Variants in PTPRE observed in about 807,000 individuals in gnomAD.
PTPRE encodes the protein protein tyrosine phosphatase receptor type E.
In PTPRE, 51 loss-of-function variants were observed where a neutral mutation model predicts 102.0. The observed-to-expected ratio is 0.50, with a 90% CI of 0.40 to 0.63. The LOEUF is 0.63. PTPRE is among the 30% of genes least tolerant of loss of function. The probability of loss-of-function intolerance (pLI) is 0.00; values close to 1 mark genes in which losing one functional copy is unlikely to be tolerated. For missense variants in PTPRE, 752 were observed against 915.1 expected, an observed-to-expected ratio of 0.82 and a Z score of 2.30; for synonymous variants, 345 against 348.2, an observed-to-expected ratio of 0.99 and a Z score of 0.10.
At chr10:128,040,368 G>A (rs1847575535) in intron 2 of PTPRE, among the ~76,000 whole-genome samples, 1 of 152,190 alleles carries the variant, frequency 6.6e-6, no homozygotes, top group Non-Finnish European at 1.5e-5. Flanking sequence ...AAGGATCGAG[G>A]TTTCCCAGGC....
chr10:128,070,066 A>G lies in PTPRE; in HGVS notation c.1144-235A>G, dbSNP rs771130594. ...GCAATCCTACTCCCCCAAACGGTGC[A>G]TGTACACAGTGCGTGGCGTGCTCAC... is the stretch of plus-strand genomic sequence containing the variant. On this transcript the variant is annotated intron_variant, in intron 13 of 20. Transcript: ENST00000254667. This position sits in a 1 kb window ranked among gnomAD's most constrained non-coding sequence, Gnocchi z 4.8. 7.4e-5 allele frequency: 51 copies of G among 693,542 alleles called. No individual in the cohort carries two copies. Among genetic ancestry groups the G allele is most frequent in the Admixed American group, 2.3e-4 (8 of 34,416 alleles). 43.0% of individuals were successfully genotyped at this position (693,542 alleles called of 1,614,324 possible). A position where few individuals can be genotyped will look rare whatever the true frequency, so the allele number is the denominator to read the frequency against.
intron 2 of PTPRE, among the ~76,000 whole-genome samples, chr10:127,988,230 CTG>C (rs980639302): frequency 1.3e-5 from 2 of 152,146 alleles, no homozygotes; most frequent in Non-Finnish European, 2.9e-5. Context: ...GGGTGGCCCC[CTG>C]TGGATTGAGC....
chr10:128,071,004 T>C (rs1850721744), intron 15 of PTPRE, 103 bp downstream of exon 15: 3 of 1,192,150 alleles, frequency 2.5e-6, no homozygotes, highest in Non-Finnish European at 3.6e-6. Context: ...TGCACCAGGG[T>C]CAAAAGCAGG....
At chr10:127,935,803 G>A (rs973119118) in intron 1 of PTPRE, among the ~76,000 whole-genome samples, 6 of 152,190 alleles carry the variant, frequency 3.9e-5, no homozygotes, top group Admixed American at 3.9e-4. Context: ...TCCACCTGAA[G>A]TCCACCATAA....
At chr10:127,985,814 GGTGCGGT>G (rs1852038033) in intron 2 of PTPRE, among the ~76,000 whole-genome samples, 1 of 152,036 alleles carries the variant, frequency 6.6e-6, no homozygotes, top group African/African-American at 2.4e-5. Context: ...ATCTAGGCCG[GGTGCGGT>G]GGCTCACACC....
At chr10:128,076,758 G>T (rs1464311286) in intron 18 of PTPRE, 30 bp downstream of exon 18, 2 of 1,608,170 alleles carry the variant, frequency 1.2e-6, no homozygotes, top group Non-Finnish European at 1.7e-6. Flanking sequence ...TTAAACGCTT[G>T]TGAATTTAGT....
intron 9 of PTPRE, among the ~76,000 whole-genome samples, chr10:128,062,526 G>A (rs1394312057): frequency 6.6e-6 from 1 of 152,096 alleles, no homozygotes; most frequent in Non-Finnish European, 1.5e-5. Context: ...TTATCTCCCC[G>A]CCCATCCCCC....
At chr10:128,021,359 C>A (rs1845867046) in intron 2 of PTPRE, among the ~76,000 whole-genome samples, 1 of 152,222 alleles carries the variant, frequency 6.6e-6, no homozygotes, top group Admixed American at 6.5e-5. Context: ...TGCTCCCCGA[C>A]CTCCTGCGAG....
chr10:128,033,785 C>T (rs750785190), intron 2 of PTPRE, among the ~76,000 whole-genome samples: 5 of 152,208 alleles, frequency 3.3e-5, no homozygotes, highest in South Asian at 2.1e-4. Context: ...GCTGGGATTA[C>T]AGGCGTGCAC....
At position 128,060,993 on chromosome 10, in the gene PTPRE, A is replaced by C; in HGVS notation, c.566A>C (p.Tyr189Ser). ...CTGGATGGAATTCCCTGTTCAGACT[A>C]CATCAATGCTTCCTACATAGATGTA... ...SQLDGIPCSDYINASYIDGYK... is the reference protein window; with the variant it reads ...SQLDGIPCSDSINASYIDGYK... The change falls in exon 8 of 21, where the codon TAC becomes TCC. Residue 189 changes from tyrosine to serine, a missense_variant. By Grantham distance (144) the Tyr-to-Ser change is moderately radical (BLOSUM62 -2). Coordinates refer to ENST00000254667, the MANE Select transcript of PTPRE (RefSeq NM_006504.6). The C allele has an allele frequency of 6.2e-7, 1 of 1,614,168 alleles. No homozygotes were observed. Among genetic ancestry groups the C allele is most frequent in the Non-Finnish European group, 8.5e-7 (1 of 1,180,002 alleles).
intron 7 of PTPRE, among the ~76,000 whole-genome samples, chr10:128,057,252 G>T (rs142087268): frequency 2.6e-4 from 40 of 152,102 alleles, no homozygotes; most frequent in African/African-American, 9.4e-4. Flanking sequence ...GCAGCAGGGG[G>T]GCGGGGCGTG....
At position 128,008,630 on chromosome 10, in the gene PTPRE, T is replaced by C. The variant is rs758081082; in HGVS notation, c.-8+26334T>C. Among the ~76,000 whole-genome samples the C allele has an allele frequency of 1.3e-5, 2 of 152,170 alleles. No homozygotes were observed. Among genetic ancestry groups the C allele is most frequent in the African/African-American group, 2.4e-5 (1 of 41,438 alleles). ...ATGGGAAGGAGCCCGACACACCTGG[T>C]CTTTCTCAACTCCTGCAAGTCACGT... On this transcript the variant is annotated intron_variant, in intron 2 of 20. Coordinates refer to ENST00000254667, the MANE Select transcript of PTPRE (RefSeq NM_006504.6). The surrounding 1 kb of genome is among the most constrained non-coding windows in gnomAD (Gnocchi z 4.0).
At chr10:127,986,780 G>T (rs1000482214) in intron 2 of PTPRE, among the ~76,000 whole-genome samples, 7 of 152,220 alleles carry the variant, frequency 4.6e-5, no homozygotes, top group African/African-American at 1.4e-4. Context: ...GCTGGTTTCT[G>T]GCTGCATCCG....
At chr10:127,972,725 G>A (rs1850849164) in intron 1 of PTPRE, among the ~76,000 whole-genome samples, 1 of 152,214 alleles carries the variant, frequency 6.6e-6, no homozygotes, top group South Asian at 2.1e-4. Flanking sequence ...CCAGTGGGCA[G>A]GGATCTGGCT....
At chr10:127,916,257 G>A (rs1478039485) in intron 1 of PTPRE, among the ~76,000 whole-genome samples, 1 of 152,184 alleles carries the variant, frequency 6.6e-6, no homozygotes, top group African/African-American at 2.4e-5. Flanking sequence ...ATTAGATCAT[G>A]AGGGTGGTTT....
Position 128,061,001 on chromosome 10 carries a change from G to T in PTPRE, c.574G>T (p.Ala192Ser). Residue 192 changes from alanine (A) to serine (S), a missense_variant, in exon 8 of 21, where the codon GCT becomes TCT. This residue lies in a region of PTPRE where 636 missense variants were observed against 824.4 expected (regional missense o/e 0.77). Coordinates refer to ENST00000254667, the MANE Select transcript of PTPRE (RefSeq NM_006504.6). ...DGIPCSDYIN[A>S]SYIDGYKEKN... ...AATTCCCTGTTCAGACTACATCAAT[G>T]CTTCCTACATAGATGTAAGTGGGCA... is the stretch of plus-strand genomic sequence containing the variant. 1.9e-6 allele frequency: 3 copies of T among 1,614,140 alleles called. No homozygotes were observed. The highest frequency in any genetic ancestry group is 2.5e-6 in the Non-Finnish European group (3 of 1,179,996).
chr10:128,048,595 C>T (rs911315603), intron 5 of PTPRE, among the ~76,000 whole-genome samples: 6 of 152,186 alleles, frequency 3.9e-5, no homozygotes, highest in East Asian at 1.9e-4. Context: ...CCAGCGCTCG[C>T]GGGACCCGAG....
chr10:128,019,441 G>T (rs1013155545), intron 2 of PTPRE, among the ~76,000 whole-genome samples: 10 of 152,232 alleles, frequency 6.6e-5, no homozygotes, highest in African/African-American at 2.4e-4. Context: ...CCACCAGGAG[G>T]CCTAGAACTC....
chr10:127,968,078 C>G (rs574229276), intron 1 of PTPRE, among the ~76,000 whole-genome samples: 1 of 149,720 alleles, frequency 6.7e-6, no homozygotes, highest in East Asian at 2.0e-4. Flanking sequence ...GTTGTCTTAG[C>G]CGTCAGCCCT....
Sources: gnomAD v4.1 joint callset for allele counts (sites outside exome capture counted in the v4.1 genomes callset) on GRCh38, gnomAD v4.1.1 for gene constraint, gnomAD v4.1.1 regional missense constraint, Gnocchi (gnomAD v3.1) non-coding constraint, MANE v1.5 for transcripts, NCBI Gene and HGNC (gene_info 2026-07-23, HGNC 2026-07-21) for gene names.